Variants in TRAK1 observed in about 807,000 individuals in gnomAD.
The protein encoded by TRAK1 is trafficking kinesin protein 1, also known as trafficking kinesin-binding protein 1.
Under a neutral mutation model 92.1 loss-of-function variants are expected in TRAK1, and 33 were observed. The ratio of observed to expected loss-of-function variants is 0.36; its 90% confidence interval spans 0.27 to 0.48. TRAK1 has a LOEUF of 0.48. TRAK1 is among the 20% of genes least tolerant of loss of function. The pLI is 0.99. For synonymous variants in TRAK1, 521 were observed against 517.3 expected, an observed-to-expected ratio of 1.01 and a Z score of -0.10; for missense variants, 1,123 against 1,257.9, an observed-to-expected ratio of 0.89 and a Z score of 1.62.
chr3:42,118,251 A>AT (rs796500472), intron 1 of TRAK1, among the ~76,000 whole-genome samples: 140 of 142,546 alleles, frequency 9.8e-4, no homozygotes, highest in South Asian at 4.3e-3. Flanking sequence ...CGCCCATCTA[A>AT]TTTTTTTTTT....
intron 2 of TRAK1, among the ~76,000 whole-genome samples, chr3:42,128,077 G>A (rs1710820156): frequency 6.6e-6 from 1 of 152,214 alleles, no homozygotes; most frequent in African/African-American, 2.4e-5. Context: ...TACTTGGGAG[G>A]CTGAGGCAGG....
chr3:42,033,547 C>G (rs1200377096), intron 1 of TRAK1, among the ~76,000 whole-genome samples: 1 of 152,080 alleles, frequency 6.6e-6, no homozygotes, highest in Non-Finnish European at 1.5e-5. Flanking sequence ...GTGACTGGGC[C>G]ACTGCATTCT....
At chr3:42,106,503 CTCT>C (rs1396466627) in intron 1 of TRAK1, among the ~76,000 whole-genome samples, 2 of 152,158 alleles carry the variant, frequency 1.3e-5, no homozygotes, top group African/African-American at 4.8e-5. Context: ...ATAGTGAGAC[CTCT>C]TCTTTATTTA....
chr3:42,222,500 G>C (rs529461092), intron 15 of TRAK1, among the ~76,000 whole-genome samples: 1 of 152,324 alleles, frequency 6.6e-6, no homozygotes, highest in Non-Finnish European at 1.5e-5. Flanking sequence ...GCTTCAGGGA[G>C]AAGTAGGTAC....
intron 10 of TRAK1, 88 bp downstream of exon 10, chr3:42,195,029 G>A (rs897344271): frequency 6.6e-7 from 1 of 1,512,300 alleles, no homozygotes; most frequent in Non-Finnish European, 8.9e-7. Context: ...CTGGAGTTGG[G>A]TGTTCACAGT....
intron 2 of TRAK1, among the ~76,000 whole-genome samples, chr3:42,136,302 A>C (rs183800228): frequency 1.6e-3 from 245 of 152,254 alleles, no homozygotes; most frequent in Non-Finnish European, 2.9e-3. Flanking sequence ...CTGGCCTTGT[A>C]ATGAACACGA....
chr3:42,152,592 G>T (rs977874153), intron 2 of TRAK1, among the ~76,000 whole-genome samples: 2 of 152,198 alleles, frequency 1.3e-5, no homozygotes, highest in South Asian at 4.1e-4. Flanking sequence ...TACATCACGT[G>T]TGTTTGGGAA....
intron 1 of TRAK1, among the ~76,000 whole-genome samples, chr3:42,057,298 A>T (rs1294178218): frequency 2.0e-5 from 3 of 152,184 alleles, no homozygotes; most frequent in Non-Finnish European, 4.4e-5. Context: ...TTTCTCCACA[A>T]AGACTGACAG....
intron 2 of TRAK1, chr3:42,151,441 A>G (rs1161251776): frequency 2.3e-6 from 1 of 440,210 alleles, no homozygotes; most frequent in African/African-American, 2.1e-5. Context: ...GGGTAAATAT[A>G]TTGATTTATT....
At chr3:42,104,970 A>C (rs1707324902) in intron 1 of TRAK1, among the ~76,000 whole-genome samples, 1 of 108,472 alleles carries the variant, frequency 9.2e-6, no homozygotes, top group Non-Finnish European at 1.9e-5. Context: ...TTTTTTTTTG[A>C]GACAGAGTTT....
chr3:42,123,320 C>T (rs927301558), intron 1 of TRAK1, among the ~76,000 whole-genome samples: 5 of 152,260 alleles, frequency 3.3e-5, no homozygotes, highest in African/African-American at 9.6e-5. Flanking sequence ...ACAGTTACTG[C>T]CTTTCTGCCT....
chr3:42,037,391 AG>A (rs1371268453), intron 1 of TRAK1, among the ~76,000 whole-genome samples: 1 of 152,192 alleles, frequency 6.6e-6, no homozygotes, highest in Non-Finnish European at 1.5e-5. Flanking sequence ...TCCAGAGGTC[AG>A]GGGCTTCATC....
Position 42,193,913 on chromosome 3 carries a change from C to T in TRAK1, c.975+15C>T, listed in dbSNP as rs748418453. The T allele has an allele frequency of 1.2e-6, 2 of 1,611,978 alleles. No homozygotes were observed. The highest frequency in any genetic ancestry group is 1.3e-5 in the African/African-American group (1 of 74,874). On this transcript the variant is annotated intron_variant, in intron 9 of 15. Transcript: ENST00000327628. ...TCACAGCCGAGGTGAGCACCTCTCC[C>T]TCATTCCTTCAGTGCCTCTGATTGC...
At chr3:42,047,109 G>C (rs1026255777) in intron 1 of TRAK1, among the ~76,000 whole-genome samples, 1 of 149,790 alleles carries the variant, frequency 6.7e-6, no homozygotes, top group Admixed American at 6.7e-5. Flanking sequence ...AGGAAAAGCT[G>C]TTCTAAAAAT....
At chr3:42,150,106 G>A (rs371351182) in intron 2 of TRAK1, among the ~76,000 whole-genome samples, 12 of 152,212 alleles carry the variant, frequency 7.9e-5, no homozygotes, top group African/African-American at 2.6e-4. Context: ...AAAGGCAGAA[G>A]CAGCTTACCA....
intron 4 of TRAK1, among the ~76,000 whole-genome samples, chr3:42,185,108 C>A (rs1217567288): frequency 6.6e-6 from 1 of 152,164 alleles, no homozygotes; most frequent in East Asian, 1.9e-4. Flanking sequence ...AGCCACAGTC[C>A]TTGTCCTCAG....
rs1422449622 is a variant in TRAK1 at position 42,225,800 on chromosome 3, T to C, written c.*2063T>C. On this transcript the variant is annotated 3_prime_UTR_variant, in exon 16 of 16. Transcript: ENST00000327628. ...CACTGGTATTCTGATTTGTATTTTG[T>C]TTTTATCTTTTCATCAAGGAGACGA... The C allele has an allele frequency of 2.0e-5, 3 of 152,252 alleles. No individual in the cohort carries two copies. The highest frequency in any genetic ancestry group is 4.4e-5 in the Non-Finnish European group (3 of 68,052). 9.4% of individuals were successfully genotyped at this position (152,252 alleles called of 1,614,324 possible). A position where few individuals can be genotyped will look rare whatever the true frequency, so the allele number is the denominator to read the frequency against.
intron 1 of TRAK1, among the ~76,000 whole-genome samples, chr3:42,066,950 A>T (rs1703708856): frequency 6.6e-6 from 1 of 152,112 alleles, no homozygotes; most frequent in African/African-American, 2.4e-5. Flanking sequence ...GGGGATTCTT[A>T]TACAGAGGCT....
At chr3:42,064,626 G>A (rs924214792) in intron 1 of TRAK1, among the ~76,000 whole-genome samples, 2 of 152,126 alleles carry the variant, frequency 1.3e-5, no homozygotes, top group African/African-American at 4.8e-5. Context: ...ACTATAGACT[G>A]TTTCCTAAAA....
Sources: allele counts gnomAD v4.1 joint callset (sites outside exome capture counted in the v4.1 genomes callset), GRCh38; gene constraint gnomAD v4.1.1; transcripts MANE v1.5; gene names NCBI Gene and HGNC (gene_info 2026-07-23, HGNC 2026-07-21).